The following KLHL29 variants were observed in gnomAD, a reference collection of about 807,000 sequenced individuals.
The protein encoded by KLHL29 is kelch like family member 29.
In KLHL29, 21 loss-of-function variants were observed where a neutral mutation model predicts 80.4. The ratio of observed to expected loss-of-function variants is 0.26; its 90% CI spans 0.19 to 0.38. The LOEUF (loss-of-function observed/expected upper bound fraction) is 0.38, where lower values mean the gene tolerates loss of function less well. Among genes scored for constraint, KLHL29 ranks in the 10% least tolerant of loss-of-function variants. KLHL29 has a pLI of 1.00. For synonymous variants in KLHL29, 511 were observed against 526.8 expected (o/e 0.97, Z 0.41); for missense variants, 867 against 1,223.9 (o/e 0.71, Z 4.35).
At chr2:23,594,552 C>G (rs537292561) in intron 3 of KLHL29, among the ~76,000 whole-genome samples, 22 of 152,314 alleles carry the variant, frequency 1.4e-4, no homozygotes, top group African/African-American at 5.3e-4. Context: ...TCTCTCCTGC[C>G]GTTTTCTCTG....
chr2:23,539,513 C>T (rs1013750520), intron 2 of KLHL29, among the ~76,000 whole-genome samples: 1 of 140,326 alleles, frequency 7.1e-6, no homozygotes, highest in Non-Finnish European at 1.5e-5. Flanking sequence ...GTGATCTTGG[C>T]TCACTGTAAC....
chr2:23,576,767 C>G (rs1486649049), intron 3 of KLHL29, among the ~76,000 whole-genome samples: 1 of 152,228 alleles, frequency 6.6e-6, no homozygotes, highest in African/African-American at 2.4e-5. Context: ...CCTCCAAAAT[C>G]TTCCCAAGTC....
At chr2:23,491,047 C>T (rs1665085395) in intron 2 of KLHL29, among the ~76,000 whole-genome samples, 1 of 152,112 alleles carries the variant, frequency 6.6e-6, no homozygotes, top group Non-Finnish European at 1.5e-5. Flanking sequence ...TGGTTTGCTG[C>T]ACCTATCAAC....
rs1426172703 is a variant in KLHL29 at position 23,691,767 on chromosome 2, T to C, written c.1173T>C (p.Phe391=). The change falls in exon 7 of 14, where the codon TTT becomes TTC. Residue 391 remains phenylalanine, a synonymous_variant. Transcript: ENST00000486442. ...QADVLELLLE[F]VYTGSLVIDS... Reference sequence around the variant, plus strand: ...ACGTCCTGGAGTTGCTGCTGGAGTTTGTCTACACGGGCTCCCTGGTCATCG... The same window carrying C: ...ACGTCCTGGAGTTGCTGCTGGAGTTCGTCTACACGGGCTCCCTGGTCATCG... The C allele has an allele frequency of 1.3e-6, 2 of 1,551,608 alleles. No individual in the cohort carries two copies. Among genetic ancestry groups the C allele is most frequent in the African/African-American group, 2.7e-5 (2 of 73,044 alleles).
intron 3 of KLHL29, among the ~76,000 whole-genome samples, chr2:23,637,492 C>T (rs757431378): frequency 3.9e-5 from 6 of 152,190 alleles, no homozygotes; most frequent in Non-Finnish European, 8.8e-5. Context: ...AGGAGATTCA[C>T]CCTTTTCCTT....
intron 1 of KLHL29, among the ~76,000 whole-genome samples, chr2:23,396,986 TGAG>T (rs1210786352): frequency 6.6e-6 from 1 of 152,202 alleles, no homozygotes; most frequent in Non-Finnish European, 1.5e-5. Flanking sequence ...CTTGTGACCT[TGAG>T]GGAGGCTTCC....
At chr2:23,492,178 T>C (rs1356306827) in intron 2 of KLHL29, among the ~76,000 whole-genome samples, 1 of 152,228 alleles carries the variant, frequency 6.6e-6, no homozygotes, top group Admixed American at 6.5e-5. Context: ...GATCACACTC[T>C]GAGACCTCGT....
intron 2 of KLHL29, among the ~76,000 whole-genome samples, chr2:23,485,605 AT>A (rs1403720390): frequency 6.6e-6 from 1 of 152,206 alleles, no homozygotes; most frequent in African/African-American, 2.4e-5. Flanking sequence ...TCAACATTGC[AT>A]TCAAGCCATG....
rs1277425030 is a variant in KLHL29, at chr2:23,708,106, A to C, written c.*1442A>C. 2 of 152,218 alleles carry C rather than the reference A, an allele frequency of 1.3e-5. No homozygotes were observed. The highest frequency in any genetic ancestry group is 1.3e-4 in the Admixed American group (2 of 15,286). The allele number at this position is 152,218 out of a possible 1,614,324, so 9.4% of individuals were successfully genotyped here. ...TCATGATAACAACCATTTATAAGAGAAAAAGACAGGACACGCTTTCCATCG... is the reference window on the plus strand; with the variant it reads ...TCATGATAACAACCATTTATAAGAGCAAAAGACAGGACACGCTTTCCATCG... On this transcript the variant is annotated 3_prime_UTR_variant, in exon 14 of 14. Coordinates refer to ENST00000486442, the MANE Select transcript of KLHL29 (RefSeq NM_052920.2).
chr2:23,549,608 C>T (rs1667069937), intron 2 of KLHL29, among the ~76,000 whole-genome samples: 1 of 152,202 alleles, frequency 6.6e-6, no homozygotes, highest in Non-Finnish European at 1.5e-5. Flanking sequence ...GTACTGAGGT[C>T]AGCAGGGGAG....
chr2:23,542,763 G>A (rs112762461), intron 2 of KLHL29, among the ~76,000 whole-genome samples: 13 of 152,276 alleles, frequency 8.5e-5, no homozygotes, highest in African/African-American at 2.6e-4. Flanking sequence ...GCTCAGCCCC[G>A]GGGAGTTGAA....
chr2:23,674,920 T>G (rs1670881401), intron 5 of KLHL29, among the ~76,000 whole-genome samples: 1 of 151,722 alleles, frequency 6.6e-6, no homozygotes, highest in Non-Finnish European at 1.5e-5. Flanking sequence ...CACCTGGCCC[T>G]CCCCCAGCCC....
intron 2 of KLHL29, among the ~76,000 whole-genome samples, chr2:23,559,044 G>C (rs1209348050): frequency 6.6e-6 from 1 of 152,176 alleles, no homozygotes; most frequent in Non-Finnish European, 1.5e-5. Context: ...ACCTGACCCA[G>C]AAGGGGAAAA....
At chr2:23,538,664 T>C (rs1459256622) in intron 2 of KLHL29, among the ~76,000 whole-genome samples, 1 of 152,254 alleles carries the variant, frequency 6.6e-6, no homozygotes, top group Non-Finnish European at 1.5e-5. Context: ...GTTAGCTGTC[T>C]GGGCTGCACA....
rs1213586373 is a variant in KLHL29, at chr2:23,385,707, A to C, written c.-227A>C. On this transcript the variant is annotated 5_prime_UTR_variant, in exon 1 of 14. Coordinates refer to ENST00000486442, the MANE Select transcript of KLHL29 (RefSeq NM_052920.2). ...TACCCGCCGGCGCTGTCCGCTCTCCATCAGCCCTCCTGCGCCCACCCGCGA... is the reference window on the plus strand; with the variant it reads ...TACCCGCCGGCGCTGTCCGCTCTCCCTCAGCCCTCCTGCGCCCACCCGCGA... 1 of 164,158 alleles carries C rather than the reference A, an allele frequency of 6.1e-6. No individual in the cohort carries two copies. Among genetic ancestry groups the C allele is most frequent in the East Asian group, 2.0e-4 (1 of 5,088 alleles). 10.2% of individuals were successfully genotyped at this position (164,158 alleles called of 1,614,324 possible).
At chr2:23,588,588 C>T (rs1395332448) in intron 3 of KLHL29, among the ~76,000 whole-genome samples, 1 of 152,260 alleles carries the variant, frequency 6.6e-6, no homozygotes, top group Non-Finnish European at 1.5e-5. Flanking sequence ...GGTCTGAGGC[C>T]TCCTGCTTAT....
At chr2:23,699,547 C>T (rs1329513413) in intron 11 of KLHL29, among the ~76,000 whole-genome samples, 2 of 152,228 alleles carry the variant, frequency 1.3e-5, no homozygotes, top group Non-Finnish European at 1.5e-5. Context: ...AACCCCAAGT[C>T]TGCTTTTCCC....
intron 3 of KLHL29, among the ~76,000 whole-genome samples, chr2:23,563,193 G>T (rs1177071990): frequency 6.6e-6 from 1 of 152,248 alleles, no homozygotes; most frequent in Non-Finnish European, 1.5e-5. Context: ...GGCAACAGAG[G>T]CCAACCTGTG....
At chr2:23,386,386 G>A (rs557020826) in intron 1 of KLHL29, among the ~76,000 whole-genome samples, 33 of 152,268 alleles carry the variant, frequency 2.2e-4, no homozygotes, top group African/African-American at 7.5e-4. Context: ...GAAAACCGTC[G>A]GGAGGGAACC....
Sources: gnomAD v4.1 joint callset for allele counts (sites outside exome capture counted in the v4.1 genomes callset) on GRCh38, gnomAD v4.1.1 for gene constraint, MANE v1.5 for transcripts, NCBI Gene and HGNC (gene_info 2026-07-23, HGNC 2026-07-21) for gene names.